Variants in ZFC3H1 observed in about 807,000 individuals in gnomAD.
The protein encoded by ZFC3H1 is zinc finger C3H1 domain-containing protein.
A neutral mutation model predicts 243.7 loss-of-function variants in ZFC3H1; 71 were observed. That is an observed-to-expected ratio of 0.29 (90% CI 0.24 to 0.36). ZFC3H1 has a LOEUF of 0.36. ZFC3H1 is among the 10% of genes least tolerant of loss of function. The pLI is 1.00. For missense variants in ZFC3H1, 1,966 were observed against 2,317.1 expected (o/e 0.85, Z 3.11); for synonymous variants, 838 against 813.0 (o/e 1.03, Z -0.52).
chr12:71,656,847 G>T (rs541162308), intron 2 of ZFC3H1, 38 bp downstream of exon 2: 3 of 1,555,160 alleles, frequency 1.9e-6, no homozygotes, highest in South Asian at 2.5e-5. Flanking sequence ...TTTAGAGGAA[G>T]AAGAGTCATT....
intron 2 of ZFC3H1, chr12:71,656,459 C>T: frequency 1.6e-6 from 1 of 616,834 alleles, no homozygotes. Flanking sequence ...AGATGCTCAT[C>T]CCAATAATGA....
In ZFC3H1 at chr12:71,632,255, G is replaced by A; in HGVS notation, c.3077C>T (p.Thr1026Ile). 6.2e-7 allele frequency: 1 copy of A among 1,612,680 alleles called. No individual in the cohort carries two copies. Among genetic ancestry groups the A allele is most frequent in the Non-Finnish European group, 8.5e-7 (1 of 1,179,544 alleles). The change falls in exon 15 of 35, where the codon ACT becomes ATT. Residue 1026 changes from threonine to isoleucine, a missense_variant. Physicochemically the swap from Thr to Ile is moderately conservative, Grantham distance 89. Around this residue, in one of 4 missense-constraint regions of ZFC3H1, gnomAD observed 1,383 missense variants for 1,723.7 expected, o/e 0.80. Transcript: ENST00000378743. Reference sequence around the variant, plus strand: ...TTCATCATCAACATCATTTTCTTCAGTGTCCAGGGTTAATTTATCTTGTGT... The same window carrying A: ...TTCATCATCAACATCATTTTCTTCAATGTCCAGGGTTAATTTATCTTGTGT... The part of the protein sequence containing the change: ...DLTQDKLTLD[T>I]EENDVDDEIL...
intron 23 of ZFC3H1, 103 bp from the exon 24 acceptor site, chr12:71,623,700 C>T (rs1880089031): frequency 1.2e-6 from 1 of 817,372 alleles, no homozygotes; most frequent in African/African-American, 1.7e-5. Context: ...AAAAAGGTCA[C>T]ATTTATTTGT....
chr12:71,644,049 G>A (rs769920149), intron 5 of ZFC3H1, 46 bp downstream of exon 5: 1 of 1,511,512 alleles, frequency 6.6e-7, no homozygotes, highest in African/African-American at 1.4e-5. Flanking sequence ...ATGACTTTAA[G>A]GAAACTTAGA....
In ZFC3H1 at chr12:71,639,742, T is replaced by C. The variant is rs1880555499; in HGVS notation, c.1628-1227A>G. On this transcript the variant is annotated intron_variant, in intron 6 of 34. Transcript: ENST00000378743. Reference sequence around the variant, plus strand: ...GAGGGTGCCCTCAGCAAGAGTAGCCTTCATTCATGAATTTTAGAAACTAGT... The same window carrying C: ...GAGGGTGCCCTCAGCAAGAGTAGCCCTCATTCATGAATTTTAGAAACTAGT... Among the ~76,000 whole-genome samples the C allele has an allele frequency of 2.6e-5, 4 of 152,164 alleles. No individual in the cohort carries two copies. In the South Asian group the frequency reaches 8.3e-4, roughly 31 times the overall value.
At chr12:71,654,786 T>C (rs559716273) in intron 2 of ZFC3H1, among the ~76,000 whole-genome samples, 1 of 152,302 alleles carries the variant, frequency 6.6e-6, no homozygotes, top group East Asian at 1.9e-4. Flanking sequence ...CATACTGAAT[T>C]ATAAATTAAA....
intron 7 of ZFC3H1, among the ~76,000 whole-genome samples, chr12:71,637,357 T>C (rs1880489811): frequency 6.6e-6 from 1 of 152,208 alleles, no homozygotes; most frequent in Non-Finnish European, 1.5e-5. Context: ...TTCTAGAAGA[T>C]ATAGATATCA....
At position 71,630,709 on chromosome 12, in the gene ZFC3H1, T is replaced by C; in HGVS notation, c.3615A>G (p.Gln1205=). ...ACTGTTTTCGGCTAAGTGTATAGTC[T>C]TGTATATGCTGCCTAAGATAAAAAA... ...NDDDCQWQHI[Q]DYTLSRKQLF... is the part of the protein sequence containing the mutation. Residue 1205 remains glutamine (Q), a synonymous_variant, in exon 18 of 35, where the codon CAA becomes CAG. Transcript: ENST00000378743. 1 of 1,611,094 alleles carries C rather than the reference T, an allele frequency of 6.2e-7. No homozygotes were observed. Among genetic ancestry groups the C allele is most frequent in the Non-Finnish European group, 8.5e-7 (1 of 1,179,086 alleles).
intron 1 of ZFC3H1, among the ~76,000 whole-genome samples, chr12:71,659,949 C>T (rs1881122103): frequency 6.6e-6 from 1 of 152,184 alleles, no homozygotes; most frequent in Non-Finnish European, 1.5e-5. Flanking sequence ...CTAAGATGTA[C>T]TGACAAAGTG....
In ZFC3H1 at chr12:71,657,243, G is replaced by A; in HGVS notation, c.657C>T (p.Asn219=). ...RKQNYSSKNE[N]CVEETFEDLL... is the part of the protein sequence containing the mutation. ...AATCTTCAAAAGTTTCTTCCACACA[G>A]TTTTCATTTTTTGATGAATAATTTT... is the stretch of plus-strand genomic sequence containing the variant. The change falls in exon 2 of 35, where the codon AAC becomes AAT. Residue 219 remains asparagine, a synonymous_variant. Coordinates refer to ENST00000378743, the MANE Select transcript of ZFC3H1 (RefSeq NM_144982.5). The A allele has an allele frequency of 6.3e-7, 1 of 1,590,194 alleles. No individual in the cohort carries two copies. Among genetic ancestry groups the A allele is most frequent in the South Asian group, 1.2e-5 (1 of 86,244 alleles).
intron 2 of ZFC3H1, 73 bp from the exon 3 acceptor site, chr12:71,647,886 A>G: frequency 1.8e-6 from 1 of 563,088 alleles, no homozygotes. Flanking sequence ...ATCCTATATA[A>G]TATCTGGTAA....
Position 71,645,051 on chromosome 12 carries a change from GTTCCTC to G in ZFC3H1, c.1099_1104del (p.Glu367_Glu368del), listed in dbSNP as rs761735144. 3.1e-6 allele frequency: 5 copies of G among 1,608,690 alleles called. No individual in the cohort carries two copies. The African/African-American group carries it at 4.0e-5, about 13-fold the overall frequency. On this transcript the variant is annotated inframe_deletion, in exon 4 of 35. Transcript: ENST00000378743. ...AAAAGGCGAAGCTGTAATTCAGATA[GTTCCTC>G]TTCATCTTCACCAAGTTTCTTTAAA...
At chr12:71,612,190 T>A in intron 31 of ZFC3H1, among the ~76,000 whole-genome samples, 1 of 151,828 alleles carries the variant, frequency 6.6e-6, no homozygotes, top group Middle Eastern at 3.4e-3. Flanking sequence ...AATTTTTTTT[T>A]AAAGTAATGG....
At chr12:71,632,839 A>G in intron 14 of ZFC3H1, 47 bp downstream of exon 14, 1 of 1,596,288 alleles carries the variant, frequency 6.3e-7, no homozygotes, top group Admixed American at 1.8e-5. Context: ...AACTATCATA[A>G]AAACTTTCTG....
chr12:71,663,708 G>A lies in ZFC3H1; in HGVS notation c.-98C>T. 1 of 1,427,178 alleles carries A rather than the reference G, an allele frequency of 7.0e-7. No homozygotes were observed. The highest frequency in any genetic ancestry group is 9.5e-7 in the Non-Finnish European group (1 of 1,049,084). 88.4% of individuals were successfully genotyped at this position (1,427,178 alleles called of 1,614,324 possible). A position where few individuals can be genotyped will look rare whatever the true frequency, so the allele number is the denominator to read the frequency against. On this transcript the variant is annotated 5_prime_UTR_variant, in exon 1 of 35. Transcript: ENST00000378743. ...TTCTTTCCTAACGGACTGGGTCGGT[G>A]CGGTCTTACCCTACTCGGACACCAA...
Position 71,631,829 on chromosome 12 carries a change from G to A in ZFC3H1, c.3419C>T (p.Pro1140Leu), listed in dbSNP as rs1880330038. 2 of 1,613,726 alleles carry A rather than the reference G, an allele frequency of 1.2e-6. No individual in the cohort carries two copies. The highest frequency in any genetic ancestry group is 1.7e-6 in the Non-Finnish European group (2 of 1,179,764). Reference protein sequence around the residue: ...TAQSKTMEVKPCPFRPYHSPL... With the variant: ...TAQSKTMEVKLCPFRPYHSPL... ...ACTATGGTAGGGTCTAAAAGGACAT[G>A]GCTTCACTTCCATTGTTTTACTTTG... Residue 1140 changes from proline (P) to leucine (L), a missense_variant, in exon 16 of 35, where the codon CCA (proline) becomes CTA (leucine). Coordinates refer to ENST00000378743, the MANE Select transcript of ZFC3H1 (RefSeq NM_144982.5).
Position 71,614,855 on chromosome 12 carries a change from A to C in ZFC3H1, c.5339T>G (p.Ile1780Arg), listed in dbSNP as rs758165809. 1.1e-5 allele frequency: 17 copies of C among 1,613,440 alleles called. No homozygotes were observed. The highest frequency in any genetic ancestry group is 1.4e-5 in the Non-Finnish European group (17 of 1,179,550). ...TTACTCCATCCATATCTTCTGTACTATATCACATCTCATAGCCACCCCTAA... is the reference window on the plus strand; with the variant it reads ...TTACTCCATCCATATCTTCTGTACTCTATCACATCTCATAGCCACCCCTAA... ...AALGVAMRCD[I>R]VQKIWMDYLV... The change falls in exon 29 of 35, where the codon ATA becomes AGA. Residue 1780 changes from isoleucine (I) to arginine (R), a missense_variant. Ile to Arg is a moderately conservative substitution (Grantham distance 97). Coordinates refer to ENST00000378743, the MANE Select transcript of ZFC3H1 (RefSeq NM_144982.5).
chr12:71,640,228 G>A (rs373924855), intron 6 of ZFC3H1, among the ~76,000 whole-genome samples: 72 of 152,280 alleles, frequency 4.7e-4, no homozygotes, highest in African/African-American at 1.6e-3. Flanking sequence ...CACCATGTTG[G>A]CCAGGCTGGT....
Position 71,642,428 on chromosome 12 carries a change from G to C in ZFC3H1, c.1627+8C>G. 6.2e-7 allele frequency: 1 copy of C among 1,608,720 alleles called. No individual in the cohort carries two copies. The highest frequency in any genetic ancestry group is 8.5e-7 in the Non-Finnish European group (1 of 1,177,592). The stretch of plus-strand genomic sequence containing the variant: ...AAATACACAAAGGTTTCAAGTTTTG[G>C]CTCATACCTGGAGAACTGGTTTCAC... On this transcript the variant is annotated splice_region_variant and intron_variant, in intron 6 of 34. Transcript: ENST00000378743.
Sources: allele counts gnomAD v4.1 joint callset (sites outside exome capture counted in the v4.1 genomes callset), GRCh38; gene constraint gnomAD v4.1.1; regional missense constraint gnomAD v4.1.1; transcripts MANE v1.5; gene names NCBI Gene and HGNC (gene_info 2026-07-23, HGNC 2026-07-21).